TRIM36: variants seen among roughly 807,000 people sequenced by gnomAD.
The protein encoded by TRIM36 is E3 ubiquitin-protein ligase TRIM36.
In TRIM36, 42 loss-of-function variants were observed where a neutral mutation model predicts 72.4. That is an observed-to-expected ratio of 0.58 (90% CI 0.45 to 0.75). The LOEUF (loss-of-function observed/expected upper bound fraction) is 0.75, where lower values mean the gene tolerates loss of function less well. TRIM36 is among the 30% of genes least tolerant of loss of function. The pLI is 0.00. For synonymous variants in TRIM36, 315 were observed against 282.8 expected (o/e 1.11, Z -1.14); for missense variants, 913 against 857.1 (o/e 1.07, Z -0.81).
intron 4 of TRIM36, among the ~76,000 whole-genome samples, chr5:115,143,916 G>T (rs7711784): frequency 0.071 from 10,782 of 152,016 alleles, 849 homozygotes; most frequent in East Asian, 0.35. Flanking sequence ...TGTCACCCAG[G>T]CTGGAGTGCA....
At chr5:115,130,353 A>G (rs1339658000) in intron 9 of TRIM36, among the ~76,000 whole-genome samples, 3 of 152,228 alleles carry the variant, frequency 2.0e-5, no homozygotes, top group African/African-American at 4.8e-5. Flanking sequence ...CTGTGAAGCT[A>G]TATCACAATT....
upstream of TRIM36, chr5:115,171,079 CAGAG>C (rs770065118): frequency 8.1e-6 from 13 of 1,614,006 alleles, no homozygotes; most frequent in African/African-American, 1.3e-5. Flanking sequence ...GTAGGGACTA[CAGAG>C]CTGTAGCGAG....
intron 7 of TRIM36, among the ~76,000 whole-genome samples, chr5:115,135,363 G>C (rs1442166475): frequency 6.6e-6 from 1 of 151,642 alleles, no homozygotes; most frequent in Non-Finnish European, 1.5e-5. Flanking sequence ...GCCATAATGA[G>C]ATCTGGAAAG....
At chr5:115,130,974 A>T in intron 8 of TRIM36, 85 bp from the exon 9 acceptor site, 1 of 1,441,548 alleles carries the variant, frequency 6.9e-7, no homozygotes, top group Non-Finnish European at 9.2e-7. Context: ...TACAGAAATT[A>T]CTGAAGAGAG....
chr5:115,176,783 CCT>C (rs1466365276), intron 1 of TRIM36, among the ~76,000 whole-genome samples: 5 of 138,566 alleles, frequency 3.6e-5, no homozygotes, highest in African/African-American at 1.1e-4. Context: ...GATTTGGAAA[CCT>C]CTCTTTTAAT....
Position 115,147,289 on chromosome 5 carries a change from T to C in TRIM36, c.368A>G (p.Asn123Ser). The C allele has an allele frequency of 3.1e-6, 5 of 1,614,136 alleles. No individual in the cohort carries two copies. The highest frequency in any genetic ancestry group is 4.2e-6 in the Non-Finnish European group (5 of 1,180,022). Residue 123 changes from asparagine to serine, a missense_variant, in exon 3 of 10, where the codon AAC becomes AGC. Coordinates refer to ENST00000513154, the MANE Select transcript of TRIM36 (RefSeq NM_001300759.2). ...GERGINGLFRNFTLETIVERY... is the reference protein window; with the variant it reads ...GERGINGLFRSFTLETIVERY... ...TTCCACAATAGTTTCCAAAGTGAAG[T>C]TTCGAAACAGACCATTGATTCCTCG...
At chr5:115,139,112 C>T (rs1753133540) in intron 5 of TRIM36, among the ~76,000 whole-genome samples, 1 of 151,434 alleles carries the variant, frequency 6.6e-6, no homozygotes, top group African/African-American at 2.4e-5. Flanking sequence ...AGCCACTGCA[C>T]CCAGCTTTTT....
At chr5:115,159,153 T>C (rs1320794155) in intron 2 of TRIM36, among the ~76,000 whole-genome samples, 1 of 152,162 alleles carries the variant, frequency 6.6e-6, no homozygotes, top group Non-Finnish European at 1.5e-5. Flanking sequence ...ATGCTAAAAC[T>C]CTGATGCCAA....
intron 1 of TRIM36, chr5:115,179,865 G>A: frequency 9.3e-7 from 1 of 1,078,040 alleles, no homozygotes; most frequent in South Asian, 1.5e-5. Context: ...CTGGATTCCA[G>A]CCTCCCGCCC....
intron 9 of TRIM36, among the ~76,000 whole-genome samples, chr5:115,128,454 TA>T (rs1408955348): frequency 1.3e-5 from 2 of 151,572 alleles, no homozygotes; most frequent in African/African-American, 4.8e-5. Flanking sequence ...AAAGTTTTTT[TA>T]AAAATTGAAA....
chr5:115,151,158 T>A (rs113808558), intron 2 of TRIM36, among the ~76,000 whole-genome samples: 16,191 of 152,220 alleles, frequency 0.11, 1,106 homozygotes, highest in Non-Finnish European at 0.15. Context: ...GCTCACCCAC[T>A]GCCTGGAAAC....
chr5:115,129,071 T>C (rs931844371), intron 9 of TRIM36, among the ~76,000 whole-genome samples: 3 of 152,174 alleles, frequency 2.0e-5, no homozygotes, highest in Admixed American at 6.5e-5. Context: ...TGCATTAAAA[T>C]TGCCTACAGT....
Position 115,145,738 on chromosome 5 carries a change from A to T in TRIM36, c.589-994T>A, listed in dbSNP as rs1366671604. 1.3e-4 allele frequency among the ~76,000 whole-genome samples: 20 copies of T among 152,306 alleles called. No individual in the cohort carries two copies. In the East Asian group the frequency reaches 3.9e-3, roughly 29 times the overall value. On this transcript the variant is annotated intron_variant, in intron 3 of 9. Transcript: ENST00000513154. ...TTAAAAGGAACGAACAAAAAGTACA[A>T]TACAGAAAGTCCTAATACCAATATA... is the stretch of plus-strand genomic sequence containing the variant.
intron 2 of TRIM36, among the ~76,000 whole-genome samples, chr5:115,162,993 T>C (rs1754563942): frequency 6.6e-6 from 1 of 151,890 alleles, no homozygotes. Context: ...GTTTCACTCT[T>C]GTTGCCCAGG....
Position 115,169,801 on chromosome 5 carries a change from G to A in TRIM36, c.-167C>T. 7.6e-7 allele frequency: 1 copy of A among 1,322,308 alleles called. No homozygotes were observed. Among genetic ancestry groups the A allele is most frequent in the Non-Finnish European group, 9.7e-7 (1 of 1,029,478 alleles). 81.9% of individuals were successfully genotyped at this position (1,322,308 alleles called of 1,614,324 possible). A position where few individuals can be genotyped will look rare whatever the true frequency, so the allele number is the denominator to read the frequency against. The stretch of plus-strand genomic sequence containing the variant: ...AGCGGACCGACGCGGGGAGAAGTAA[G>A]CCGGGGCAGGCAAAAGCACAGGCGC... On this transcript the variant is annotated 5_prime_UTR_variant, in exon 1 of 10. Transcript: ENST00000513154.
intron 8 of TRIM36, 51 bp downstream of exon 8, chr5:115,133,809 G>A (rs753413034): frequency 1.5e-5 from 23 of 1,506,840 alleles, no homozygotes; most frequent in African/African-American, 1.3e-4. Context: ...ATTTTATCAA[G>A]GTCTCTTGCA....
intron 9 of TRIM36, among the ~76,000 whole-genome samples, chr5:115,128,674 C>A (rs1260281945): frequency 7.4e-6 from 1 of 135,908 alleles, no homozygotes; most frequent in African/African-American, 2.8e-5. Context: ...ATGGCGTGAA[C>A]CCAGGAAGCG....
At chr5:115,152,996 C>CA (rs930734616) in intron 2 of TRIM36, among the ~76,000 whole-genome samples, 21 of 151,898 alleles carry the variant, frequency 1.4e-4, no homozygotes, top group African/African-American at 3.1e-4. Context: ...GGTACACAGG[C>CA]AAAAAAATAG....
At chr5:115,178,710 G>T (rs890446091) in intron 1 of TRIM36, among the ~76,000 whole-genome samples, 1 of 152,200 alleles carries the variant, frequency 6.6e-6, no homozygotes, top group Non-Finnish European at 1.5e-5. Flanking sequence ...TCTGGCCCGG[G>T]GTTGTAAATG....
Sources: gnomAD v4.1 joint callset for allele counts (sites outside exome capture counted in the v4.1 genomes callset) on GRCh38, gnomAD v4.1.1 for gene constraint, MANE v1.5 for transcripts, NCBI Gene and HGNC (gene_info 2026-07-23, HGNC 2026-07-21) for gene names.